Variants in ANO4 observed in about 807,000 individuals in gnomAD.
ANO4 encodes anoctamin 4.
Under a neutral mutation model 141.9 loss-of-function variants are expected in ANO4, and 69 were observed. The observed-to-expected ratio is 0.49, with a 90% CI of 0.40 to 0.59. The LOEUF is 0.59. Ranked by LOEUF, ANO4 falls within the 20% of genes least tolerant of loss-of-function variation. ANO4 has a pLI of 0.00. For synonymous variants in ANO4, 350 were observed against 394.3 expected (o/e 0.89, Z 1.33); for missense variants, 894 against 1,162.2 (o/e 0.77, Z 3.36).
Position 101,127,005 on chromosome 12 carries a change from C to T in ANO4, c.2803C>T (p.Arg935Cys), listed in dbSNP as rs139827573. ...QEMMYEAELE[R>C]LQKERKERKK... ...GATGATGTATGAAGCAGAACTGGAACGTCTCCAGAAGGAACGAAAGGAGAG... is the reference window on the plus strand; with the variant it reads ...GATGATGTATGAAGCAGAACTGGAATGTCTCCAGAAGGAACGAAAGGAGAG... Residue 935 changes from arginine (R) to cysteine (C), a missense_variant, in exon 27 of 28, where the codon CGT becomes TGT. By Grantham distance (180) the Arg-to-Cys change is radical. Around this residue, in one of 2 missense-constraint regions of ANO4, gnomAD observed 637 missense variants for 909.2 expected, o/e 0.70. Coordinates refer to ENST00000392977, the MANE Select transcript of ANO4 (RefSeq NM_001286615.2). The T allele has an allele frequency of 1.5e-5, 24 of 1,613,984 alleles. No individual in the cohort carries two copies. The highest frequency in any genetic ancestry group is 1.7e-5 in the Non-Finnish European group (20 of 1,180,024).
intron 3 of ANO4, among the ~76,000 whole-genome samples, chr12:100,934,364 G>C (rs1014576693): frequency 6.6e-6 from 1 of 152,052 alleles, no homozygotes. Flanking sequence ...AATCCTTTCT[G>C]CGTTTCTTGT....
chr12:100,896,268 A>G (rs1442561205), intron 1 of ANO4, among the ~76,000 whole-genome samples: 1 of 152,156 alleles, frequency 6.6e-6, no homozygotes, highest in Non-Finnish European at 1.5e-5. Flanking sequence ...GTGATCCCTA[A>G]ATGTCACAAC....
chr12:100,741,837 G>A (rs1448498637), intron 3 of ANO4, among the ~76,000 whole-genome samples: 1 of 152,092 alleles, frequency 6.6e-6, no homozygotes, highest in East Asian at 1.9e-4. Context: ...AATATATAAA[G>A]TACCTCCTTT....
chr12:101,036,785 G>A (rs990190220), intron 9 of ANO4, among the ~76,000 whole-genome samples: 3 of 152,192 alleles, frequency 2.0e-5, no homozygotes, highest in African/African-American at 7.2e-5. Context: ...CATGGGTGGA[G>A]ATAGATGTGT....
chr12:100,966,045 G>A (rs185700185), intron 5 of ANO4, among the ~76,000 whole-genome samples: 1 of 152,144 alleles, frequency 6.6e-6, no homozygotes, highest in East Asian at 1.9e-4. Context: ...AAGATACTGA[G>A]GGAAAAAAGA....
chr12:100,929,464 G>A (rs1041192213), intron 3 of ANO4, among the ~76,000 whole-genome samples: 5 of 152,102 alleles, frequency 3.3e-5, no homozygotes, highest in Non-Finnish European at 4.4e-5. Flanking sequence ...TTTTATAGCT[G>A]AATAGTACTG....
chr12:100,723,411 T>C (rs576183468), intron 1 of ANO4, among the ~76,000 whole-genome samples: 1 of 152,134 alleles, frequency 6.6e-6, no homozygotes, highest in Non-Finnish European at 1.5e-5. Flanking sequence ...TGCTGGATGC[T>C]CACGTGGCCT....
chr12:100,808,061 A>G (rs1265334703), intron 1 of ANO4, among the ~76,000 whole-genome samples: 1 of 152,128 alleles, frequency 6.6e-6, no homozygotes, highest in Non-Finnish European at 1.5e-5. Flanking sequence ...AATGATTTAT[A>G]TTCCTCTGGG....
intron 9 of ANO4, among the ~76,000 whole-genome samples, chr12:101,034,673 A>G (rs1158480286): frequency 6.6e-6 from 1 of 152,198 alleles, no homozygotes; most frequent in East Asian, 1.9e-4. Flanking sequence ...AAATATGGCT[A>G]GTAAAGGACA....
chr12:101,066,997 C>CAAAAAAAAAAAAAA (rs34416390), intron 14 of ANO4: 9 of 181,560 alleles, frequency 5.0e-5, no homozygotes, highest in Admixed American at 8.5e-5. Context: ...TAAAGTATAA[C>CAAAAAAAAAAAAAA]AAAAAAAAAA....
chr12:100,883,481 C>G (rs1456056517), intron 1 of ANO4, among the ~76,000 whole-genome samples: 1 of 152,206 alleles, frequency 6.6e-6, no homozygotes, highest in African/African-American at 2.4e-5. Context: ...GCTTACTGAC[C>G]TCTAATCTAA....
intron 1 of ANO4, among the ~76,000 whole-genome samples, chr12:100,867,667 C>A (rs931803032): frequency 6.6e-6 from 1 of 152,092 alleles, no homozygotes; most frequent in Admixed American, 6.6e-5. Flanking sequence ...TATATGGACA[C>A]CCCATGGCCC....
chr12:100,896,633 T>C (rs1175097622), intron 1 of ANO4, among the ~76,000 whole-genome samples: 3 of 152,236 alleles, frequency 2.0e-5, no homozygotes, highest in East Asian at 3.9e-4. Context: ...ATTTGTTAAA[T>C]TGGGCTTTGG....
intron 15 of ANO4, among the ~76,000 whole-genome samples, chr12:101,081,022 AGTGTGTGTAT>A (rs1398917569): frequency 5.0e-5 from 7 of 141,244 alleles, no homozygotes; most frequent in African/African-American, 1.8e-4. Context: ...TATGTATGTG[AGTGTGTGTAT>A]GTGTGTGTGT....
At chr12:100,930,039 T>A (rs2042026436) in intron 3 of ANO4, among the ~76,000 whole-genome samples, 1 of 152,166 alleles carries the variant, frequency 6.6e-6, no homozygotes, top group Non-Finnish European at 1.5e-5. Context: ...TAGATGTTTT[T>A]CCTCTAGAGT....
At chr12:100,781,530 GTCTGTAA>G in intron 3 of ANO4, among the ~76,000 whole-genome samples, 1 of 152,090 alleles carries the variant, frequency 6.6e-6, no homozygotes, top group Non-Finnish European at 1.5e-5. Context: ...TCTGATTTAA[GTCTGTAA>G]TCATCCACCC....
chr12:100,932,172 A>G (rs1258007956), intron 3 of ANO4, among the ~76,000 whole-genome samples: 1 of 152,056 alleles, frequency 6.6e-6, no homozygotes, highest in Non-Finnish European at 1.5e-5. Flanking sequence ...AATGACCTGT[A>G]ATTTCACCTT....
chr12:100,873,969 A>T (rs2039166352), intron 1 of ANO4, among the ~76,000 whole-genome samples: 1 of 152,222 alleles, frequency 6.6e-6, no homozygotes, highest in Non-Finnish European at 1.5e-5. Flanking sequence ...TAGCTGCTCC[A>T]GCTCCAGCTG....
At chr12:100,991,386 CA>C (rs2045094743) in intron 8 of ANO4, among the ~76,000 whole-genome samples, 1 of 151,770 alleles carries the variant, frequency 6.6e-6, no homozygotes, top group South Asian at 2.1e-4. Context: ...AAATATAGTC[CA>C]AAATCCCATG....
Sources: gnomAD v4.1 joint callset for allele counts (sites outside exome capture counted in the v4.1 genomes callset) on GRCh38, gnomAD v4.1.1 for gene constraint, gnomAD v4.1.1 regional missense constraint, MANE v1.5 for transcripts, NCBI Gene and HGNC (gene_info 2026-07-23, HGNC 2026-07-21) for gene names.